Variants in NEDD4L observed in about 807,000 individuals in gnomAD.
The protein encoded by NEDD4L is NEDD4 like E3 ubiquitin protein ligase, also known as E3 ubiquitin-protein ligase NEDD4-like.
Under a neutral mutation model 148.9 loss-of-function variants are expected in NEDD4L, and 54 were observed. The ratio of observed to expected loss-of-function variants is 0.36; its 90% CI spans 0.29 to 0.45. The LOEUF (loss-of-function observed/expected upper bound fraction) is 0.45. Among genes scored for constraint, NEDD4L ranks in the 20% least tolerant of loss-of-function variants. The pLI is 1.00. For missense variants in NEDD4L, 856 were observed against 1,233.8 expected (o/e 0.69, Z 4.59); for synonymous variants, 433 against 440.7 (o/e 0.98, Z 0.22).
intron 1 of NEDD4L, among the ~76,000 whole-genome samples, chr18:58,120,749 C>T (rs929522337): frequency 2.6e-5 from 4 of 152,198 alleles, no homozygotes; most frequent in African/African-American, 9.7e-5. Context: ...CACTGCACTC[C>T]AACCTGGGTG....
chr18:58,348,396 A>G (rs564324604), intron 16 of NEDD4L, among the ~76,000 whole-genome samples: 1 of 135,594 alleles, frequency 7.4e-6, no homozygotes, highest in East Asian at 2.1e-4. Flanking sequence ...CAGTGGCACA[A>G]TCTCGGCTCA....
chr18:58,212,811 G>A (rs1474316505), intron 2 of NEDD4L, among the ~76,000 whole-genome samples: 6 of 152,068 alleles, frequency 3.9e-5, no homozygotes, highest in Non-Finnish European at 7.4e-5. Flanking sequence ...CAAAAGATAC[G>A]TGATTAAGTC....
chr18:58,320,279 TC>T (rs1309242742), intron 6 of NEDD4L, among the ~76,000 whole-genome samples: 1 of 152,180 alleles, frequency 6.6e-6, no homozygotes, highest in Non-Finnish European at 1.5e-5. Flanking sequence ...CTCAAAGCCT[TC>T]CCATCACCCT....
chr18:58,349,515 G>C (rs566243713), intron 16 of NEDD4L, 22 bp from the exon 17 acceptor site: 1 of 1,602,964 alleles, frequency 6.2e-7, no homozygotes, highest in South Asian at 1.1e-5. Context: ...AGCATCTACT[G>C]TCTTTTACAT....
intron 2 of NEDD4L, among the ~76,000 whole-genome samples, chr18:58,229,903 C>T (rs2044899597): frequency 6.6e-6 from 1 of 152,122 alleles, no homozygotes; most frequent in South Asian, 2.1e-4. Context: ...GCAAGAGAAT[C>T]CCTTGAACCC....
intron 2 of NEDD4L, among the ~76,000 whole-genome samples, chr18:58,217,251 T>C (rs1484143837): frequency 6.6e-6 from 1 of 152,188 alleles, no homozygotes; most frequent in African/African-American, 2.4e-5. Context: ...CACCAAACCT[T>C]GCCTGTGTTA....
At chr18:58,298,204 G>A (rs1469265077) in intron 5 of NEDD4L, among the ~76,000 whole-genome samples, 2 of 152,108 alleles carry the variant, frequency 1.3e-5, no homozygotes, top group African/African-American at 4.8e-5. Context: ...CTACATGCAT[G>A]TCATATCTTA....
intron 1 of NEDD4L, among the ~76,000 whole-genome samples, chr18:58,059,525 C>T (rs1312161091): frequency 1.3e-5 from 2 of 152,166 alleles, no homozygotes; most frequent in Non-Finnish European, 2.9e-5. Context: ...AGGGCAGTGT[C>T]CTCCTTGCCC....
intron 22 of NEDD4L, among the ~76,000 whole-genome samples, chr18:58,368,248 A>C (rs894176044): frequency 9.4e-6 from 1 of 106,262 alleles, no homozygotes; most frequent in African/African-American, 5.9e-5. Flanking sequence ...GTTTGTCCCC[A>C]AATTATTTTT....
intron 27 of NEDD4L, chr18:58,387,911 A>G (rs1420694203): frequency 6.4e-6 from 1 of 156,606 alleles, no homozygotes; most frequent in African/African-American, 2.4e-5. Flanking sequence ...CTGGCCAAGT[A>G]TCCTCTGCTG....
At chr18:58,085,686 G>T (rs2083725627) in intron 1 of NEDD4L, among the ~76,000 whole-genome samples, 1 of 152,232 alleles carries the variant, frequency 6.6e-6, no homozygotes, top group African/African-American at 2.4e-5. Context: ...GATACATGGA[G>T]TGTCATTGAT....
At chr18:58,115,156 G>A (rs1045480180) in intron 1 of NEDD4L, among the ~76,000 whole-genome samples, 1 of 152,004 alleles carries the variant, frequency 6.6e-6, no homozygotes, top group African/African-American at 2.4e-5. Context: ...CTGGCTCACT[G>A]GCCTTTGTCT....
At chr18:58,347,221 C>CCCCCCA (rs2043207354) in intron 16 of NEDD4L, among the ~76,000 whole-genome samples, 1 of 94,256 alleles carries the variant, frequency 1.1e-5, no homozygotes, top group Non-Finnish European at 2.2e-5. Context: ...CCCGCCCCCC[C>CCCCCCA]CCCCCCTTTA....
chr18:58,395,670 A>G (rs1202355799), intron 30 of NEDD4L, among the ~76,000 whole-genome samples: 1 of 152,108 alleles, frequency 6.6e-6, no homozygotes, highest in African/African-American at 2.4e-5. Context: ...GACCTCAGGA[A>G]CCTTGCCCTA....
At chr18:58,314,718 G>T (rs1027017109) in intron 5 of NEDD4L, 1 of 152,200 alleles carries the variant, frequency 6.6e-6, no homozygotes, top group African/African-American at 2.4e-5. Context: ...AAGGATTGGG[G>T]CTAGTCTCAT....
intron 2 of NEDD4L, among the ~76,000 whole-genome samples, chr18:58,237,875 A>AG (rs1395792260): frequency 6.6e-6 from 1 of 152,178 alleles, no homozygotes; most frequent in Admixed American, 6.5e-5. Context: ...ATGGATGGCA[A>AG]GGGGGGCTGC....
chr18:58,285,280 A>G (rs1286748667), intron 5 of NEDD4L, among the ~76,000 whole-genome samples: 2 of 152,088 alleles, frequency 1.3e-5, no homozygotes, highest in African/African-American at 2.4e-5. Context: ...GACCCATTCT[A>G]AAAGTCTCCA....
intron 24 of NEDD4L, among the ~76,000 whole-genome samples, chr18:58,379,329 A>G (rs542145813): frequency 1.4e-4 from 21 of 152,344 alleles, no homozygotes; most frequent in African/African-American, 5.1e-4. Context: ...GGAGATGCGC[A>G]GGGCAGAGAG....
chr18:58,243,329 G>A (rs2046867386), intron 2 of NEDD4L, among the ~76,000 whole-genome samples: 2 of 152,290 alleles, frequency 1.3e-5, no homozygotes, highest in Middle Eastern at 3.4e-3. Flanking sequence ...ATCAGGCCTT[G>A]AGCTCTTTTA....
Sources: gnomAD v4.1 joint callset for allele counts (sites outside exome capture counted in the v4.1 genomes callset) on GRCh38, gnomAD v4.1.1 for gene constraint, MANE v1.5 for transcripts, NCBI Gene and HGNC (gene_info 2026-07-23, HGNC 2026-07-21) for gene names.